NPAS2: variants seen among roughly 807,000 people sequenced by gnomAD.
The protein encoded by NPAS2 is neuronal PAS domain protein 2.
In NPAS2, 23 loss-of-function variants were observed where a neutral mutation model predicts 107.5. The observed-to-expected ratio is 0.21, with a 90% confidence interval of 0.15 to 0.30. NPAS2 has a LOEUF of 0.30. NPAS2 is among the 10% of genes least tolerant of loss of function. NPAS2 has a pLI of 1.00. For missense variants in NPAS2, 756 were observed against 1,043.3 expected (o/e 0.72, Z 3.79); for synonymous variants, 403 against 417.5 (o/e 0.97, Z 0.42).
At chr2:100,886,060 A>G (rs575154542) in intron 1 of NPAS2, among the ~76,000 whole-genome samples, 9 of 152,306 alleles carry the variant, frequency 5.9e-5, no homozygotes, top group Non-Finnish European at 1.0e-4. Context: ...ACTTCTCCCT[A>G]TTTTGTCCAG....
Position 100,912,808 on chromosome 2 carries a change from GA to G in NPAS2, c.32+8023del, listed in dbSNP as rs1465731149. 3.3e-5 allele frequency among the ~76,000 whole-genome samples: 5 copies of G among 152,324 alleles called. No individual in the cohort carries two copies. The East Asian group carries it at 9.6e-4, about 29-fold the overall frequency. On this transcript the variant is annotated intron_variant, in intron 2 of 20. Transcript: ENST00000335681. ...ACTGCTGCTGCTATCTATTCATCAG[GA>G]GCCAGCCTCCAAGTCCAGCCTTTAT...
rs180745421 is a variant in NPAS2 at position 100,889,435 on chromosome 2, G to A, written c.-22-15298G>A. Among the ~76,000 whole-genome samples the A allele has an allele frequency of 1.1e-3, 163 of 152,306 alleles. 1 individual carries two copies. Among genetic ancestry groups the A allele is most frequent in the African/African-American group, 3.6e-3 (150 of 41,580 alleles). On this transcript the variant is annotated intron_variant, in intron 1 of 20. Coordinates refer to ENST00000335681, the MANE Select transcript of NPAS2 (RefSeq NM_002518.4). ...CACAGGCAGAGACATGCCCTTTGCC[G>A]TGTGACATTCGAGGAGACGACCAGT...
intron 1 of NPAS2, among the ~76,000 whole-genome samples, chr2:100,890,215 G>A (rs115780942): frequency 0.011 from 1,656 of 152,314 alleles, 28 homozygotes; most frequent in African/African-American, 0.038. Flanking sequence ...CCTCTGCAAG[G>A]CATGTTGGTC....
intron 1 of NPAS2, among the ~76,000 whole-genome samples, chr2:100,865,398 G>C (rs533186418): frequency 7.2e-5 from 11 of 152,192 alleles, no homozygotes; most frequent in African/African-American, 2.6e-4. Flanking sequence ...TGCTTGTGTG[G>C]AGCTGAGGCC....
At chr2:100,819,481 C>T (rs1474356728), upstream of NPAS2, among the ~76,000 whole-genome samples, 1 of 152,098 alleles carries the variant, frequency 6.6e-6, no homozygotes, top group Non-Finnish European at 1.5e-5. This position sits in a 1 kb window ranked among gnomAD's most constrained non-coding sequence, Gnocchi z 5.8. Context: ...CTCCCACCTG[C>T]CCCCGGGCCG....
At chr2:100,835,123 G>T (rs1484889051) in intron 1 of NPAS2, among the ~76,000 whole-genome samples, 1 of 152,156 alleles carries the variant, frequency 6.6e-6, no homozygotes, top group Non-Finnish European at 1.5e-5. Context: ...ACAGACACGA[G>T]TTTGCTCATT....
chr2:100,988,534 C>T (rs931226455), intron 17 of NPAS2: 3 of 488,002 alleles, frequency 6.1e-6, no homozygotes, highest in African/African-American at 5.8e-5. Context: ...TTAAAGATAT[C>T]ACTCGGCTGA....
intron 1 of NPAS2, among the ~76,000 whole-genome samples, chr2:100,872,164 A>G (rs1348038367): frequency 6.6e-6 from 1 of 152,170 alleles, no homozygotes; most frequent in African/African-American, 2.4e-5. Context: ...GTAAGTGTTC[A>G]CCAATATGCT....
intron 7 of NPAS2, among the ~76,000 whole-genome samples, chr2:100,958,799 C>A (rs1222554379): frequency 6.6e-6 from 1 of 152,068 alleles, no homozygotes; most frequent in Non-Finnish European, 1.5e-5. Flanking sequence ...CCTGAACATA[C>A]AAATAATTTG....
At chr2:100,989,354 C>CAA (rs1677976190) in intron 17 of NPAS2, 1 of 152,190 alleles carries the variant, frequency 6.6e-6, no homozygotes, top group East Asian at 1.9e-4. Context: ...TACAGATAAA[C>CAA]ACACATATGG....
At chr2:100,857,500 T>G (rs2104510145) in intron 1 of NPAS2, among the ~76,000 whole-genome samples, 1 of 152,250 alleles carries the variant, frequency 6.6e-6, no homozygotes. Context: ...CCCTCAGATG[T>G]GGCCATGGGG....
In NPAS2 at chr2:100,878,426, A is replaced by T. The variant is rs1019498009; in HGVS notation, c.-22-26307A>T. The T allele has an allele frequency of 7.1e-6, 7 of 985,336 alleles. No homozygotes were observed. In the African/African-American group the frequency reaches 1.0e-4, roughly 15 times the overall value. The allele number at this position is 985,336 out of a possible 1,614,324, so 61.0% of individuals were successfully genotyped here. On this transcript the variant is annotated intron_variant, in intron 1 of 20. Coordinates refer to ENST00000335681, the MANE Select transcript of NPAS2 (RefSeq NM_002518.4). ...GCAGTTCCTCTTTCCAGCGTTGGAC[A>T]AGGACATGAGAAAGACCCACAGCAA...
At chr2:100,883,144 A>T (rs1340232570) in intron 1 of NPAS2, among the ~76,000 whole-genome samples, 1 of 152,192 alleles carries the variant, frequency 6.6e-6, no homozygotes. Context: ...GGAGCAGATG[A>T]CCCACAAGTG....
Position 100,820,195 on chromosome 2 carries a change from C to A in NPAS2, c.-242C>A. On this transcript the variant is annotated 5_prime_UTR_variant, in exon 1 of 21. Coordinates refer to ENST00000335681, the MANE Select transcript of NPAS2 (RefSeq NM_002518.4). The surrounding 1 kb of genome is among the most constrained non-coding windows in gnomAD (Gnocchi z 5.6). ...GGCCTCTCGCAGGAGCCGAGGGACC[C>A]GCGCGGCTGCGGCCCAGGAGCGGCG... is the stretch of plus-strand genomic sequence containing the variant. 1 of 150,178 alleles carries A rather than the reference C, an allele frequency of 6.7e-6. No individual in the cohort carries two copies. The highest frequency in any genetic ancestry group is 1.8e-4 in the South Asian group (1 of 5,510). The allele number at this position is 150,178 out of a possible 1,614,324, so 9.3% of individuals were successfully genotyped here.
At chr2:100,959,535 T>C (rs576802483) in intron 7 of NPAS2, among the ~76,000 whole-genome samples, 2 of 152,266 alleles carry the variant, frequency 1.3e-5, no homozygotes, top group Non-Finnish European at 2.9e-5. Flanking sequence ...AGTCTGAAAA[T>C]AGTGCTTAAT....
intron 1 of NPAS2, among the ~76,000 whole-genome samples, chr2:100,893,332 T>C (rs138478166): frequency 4.3e-4 from 65 of 152,310 alleles, no homozygotes; most frequent in East Asian, 2.9e-3. Flanking sequence ...CCCCCATCAA[T>C]TGGGGAGATG....
intron 6 of NPAS2, among the ~76,000 whole-genome samples, chr2:100,949,076 A>G (rs555212151): frequency 6.6e-6 from 1 of 152,220 alleles, no homozygotes; most frequent in Non-Finnish European, 1.5e-5. Flanking sequence ...TTAACATACC[A>G]TATGAAAACA....
At chr2:100,832,409 C>A (rs1033926372) in intron 1 of NPAS2, among the ~76,000 whole-genome samples, 1 of 152,200 alleles carries the variant, frequency 6.6e-6, no homozygotes. Flanking sequence ...GTTGGCTCCT[C>A]CTCAGCCAAG....
chr2:100,879,877 G>A (rs1407858928), intron 1 of NPAS2, among the ~76,000 whole-genome samples: 1 of 152,214 alleles, frequency 6.6e-6, no homozygotes. Context: ...CAGCTCTGGG[G>A]TTGGCCACTG....
Sources: gnomAD v4.1 joint callset for allele counts (sites outside exome capture counted in the v4.1 genomes callset) on GRCh38, gnomAD v4.1.1 for gene constraint, Gnocchi (gnomAD v3.1) non-coding constraint, MANE v1.5 for transcripts, NCBI Gene and HGNC (gene_info 2026-07-23, HGNC 2026-07-21) for gene names.